CSMD3: variants seen among roughly 807,000 people sequenced by gnomAD.
The protein encoded by CSMD3 is CUB and sushi domain-containing protein 3.
CSMD3 carries 177 observed loss-of-function variants against 435.2 expected under a neutral mutation model. The observed-to-expected ratio is 0.41, with a 90% CI of 0.36 to 0.46. The LOEUF (loss-of-function observed/expected upper bound fraction) is 0.46, where lower values mean the gene tolerates loss of function less well. CSMD3 is among the 20% of genes least tolerant of loss of function. The pLI is 0.34. For synonymous variants in CSMD3, 1,656 were observed against 1,520.5 expected, an observed-to-expected ratio of 1.09 and a Z score of -2.07; for missense variants, 4,265 against 4,504.6, an observed-to-expected ratio of 0.95 and a Z score of 1.52.
intron 5 of CSMD3, among the ~76,000 whole-genome samples, chr8:113,034,086 A>G (rs2087238535): frequency 6.6e-6 from 1 of 151,570 alleles, no homozygotes; most frequent in Non-Finnish European, 1.5e-5. Flanking sequence ...CTGTGAGTCA[A>G]TTAACCTCTT....
intron 3 of CSMD3, among the ~76,000 whole-genome samples, chr8:113,272,530 C>T (rs544935946): frequency 3.3e-4 from 50 of 152,250 alleles, no homozygotes; most frequent in African/African-American, 1.1e-3. Flanking sequence ...GGGGTTTCTG[C>T]TTTTGCAATT....
intron 13 of CSMD3, among the ~76,000 whole-genome samples, chr8:112,753,732 T>A (rs1222673701): frequency 2.0e-5 from 3 of 152,230 alleles, no homozygotes; most frequent in Admixed American, 6.5e-5. Flanking sequence ...GAAATGCCTG[T>A]ACAAGTTCCA....
At chr8:112,350,182 C>T (rs180935592) in intron 40 of CSMD3, among the ~76,000 whole-genome samples, 3 of 151,886 alleles carry the variant, frequency 2.0e-5, no homozygotes, top group African/African-American at 7.2e-5. Context: ...GTTTAAACTA[C>T]CCAATCTGGA....
intron 4 of CSMD3, among the ~76,000 whole-genome samples, chr8:113,134,837 G>T (rs1483237129): frequency 6.6e-6 from 1 of 151,912 alleles, no homozygotes; most frequent in Non-Finnish European, 1.5e-5. Flanking sequence ...CAAGAGTAAG[G>T]TGGTGGCATC....
At chr8:113,040,831 G>A (rs2131285296) in intron 5 of CSMD3, among the ~76,000 whole-genome samples, 1 of 152,214 alleles carries the variant, frequency 6.6e-6, no homozygotes, top group Middle Eastern at 3.4e-3. Flanking sequence ...AAGACAGTGA[G>A]CATAAATAGA....
At chr8:113,097,008 T>G (rs1407958424) in intron 5 of CSMD3, among the ~76,000 whole-genome samples, 1 of 152,024 alleles carries the variant, frequency 6.6e-6, no homozygotes, top group Non-Finnish European at 1.5e-5. Context: ...TTGTTCTAGA[T>G]TCAGCTTTGG....
intron 32 of CSMD3, among the ~76,000 whole-genome samples, chr8:112,449,801 C>T (rs1306620668): frequency 6.6e-6 from 1 of 152,182 alleles, no homozygotes; most frequent in Non-Finnish European, 1.5e-5. Flanking sequence ...CGGCTCACTG[C>T]ATCCTCCGCC....
At chr8:113,271,024 A>T (rs1014398979) in intron 3 of CSMD3, among the ~76,000 whole-genome samples, 17 of 151,630 alleles carry the variant, frequency 1.1e-4, no homozygotes, top group African/African-American at 4.1e-4. Flanking sequence ...CCTGCCCTAG[A>T]GATGTGTGGA....
chr8:112,373,022 A>AT (rs58793930), intron 38 of CSMD3, among the ~76,000 whole-genome samples: 33 of 138,364 alleles, frequency 2.4e-4, no homozygotes, highest in African/African-American at 5.3e-4. Flanking sequence ...ATATATATAT[A>AT]TTTTTTTTCT....
intron 13 of CSMD3, among the ~76,000 whole-genome samples, chr8:112,779,505 T>G (rs1179692575): frequency 6.6e-6 from 1 of 152,004 alleles, no homozygotes; most frequent in African/African-American, 2.4e-5. Flanking sequence ...CCAAGGAGAA[T>G]GAATAATTCA....
chr8:113,123,570 C>T (rs566273403), intron 4 of CSMD3, among the ~76,000 whole-genome samples: 11 of 152,070 alleles, frequency 7.2e-5, no homozygotes, highest in East Asian at 5.8e-4. Context: ...AATAAATTTC[C>T]TCAGTTTTAG....
chr8:112,558,452 G>A (rs902628816), intron 24 of CSMD3, among the ~76,000 whole-genome samples: 3 of 151,698 alleles, frequency 2.0e-5, no homozygotes, highest in East Asian at 1.9e-4. Flanking sequence ...ACATTTCTAC[G>A]TAGCTGACCA....
chr8:112,279,200 GT>G (rs1259192509), intron 59 of CSMD3, among the ~76,000 whole-genome samples: 1 of 152,154 alleles, frequency 6.6e-6, no homozygotes, highest in Non-Finnish European at 1.5e-5. Flanking sequence ...CACAATATGG[GT>G]TTTAAATGAA....
intron 13 of CSMD3, among the ~76,000 whole-genome samples, chr8:112,764,227 G>C (rs2077918644): frequency 6.6e-6 from 1 of 151,420 alleles, no homozygotes; most frequent in Admixed American, 6.6e-5. Flanking sequence ...AGATGTAAAG[G>C]TTTTATTCAA....
intron 13 of CSMD3, among the ~76,000 whole-genome samples, chr8:112,754,598 G>A (rs1563928327): frequency 1.3e-5 from 2 of 152,184 alleles, no homozygotes; most frequent in Non-Finnish European, 1.5e-5. Context: ...GAAAAGAGCA[G>A]GAAACGTGAT....
intron 20 of CSMD3, among the ~76,000 whole-genome samples, chr8:112,640,645 A>AG (rs1265022576): frequency 1.3e-5 from 2 of 151,368 alleles, no homozygotes; most frequent in African/African-American, 2.4e-5. Context: ...GCCCTTTTAG[A>AG]GGGGGTCTAA....
chr8:112,506,324 G>A (rs1236896816), intron 29 of CSMD3, among the ~76,000 whole-genome samples: 5 of 152,118 alleles, frequency 3.3e-5, no homozygotes. Flanking sequence ...AAGGAATTGT[G>A]CTACTAGAGT....
chr8:112,872,895 G>T (rs555897704), intron 10 of CSMD3, among the ~76,000 whole-genome samples: 1 of 152,100 alleles, frequency 6.6e-6, no homozygotes, highest in African/African-American at 2.4e-5. Context: ...AGGAGGGAAG[G>T]AGTGTGGAAG....
intron 1 of CSMD3, among the ~76,000 whole-genome samples, chr8:113,433,355 G>A (rs945417568): frequency 6.6e-6 from 1 of 152,154 alleles, no homozygotes; most frequent in Non-Finnish European, 1.5e-5. Flanking sequence ...GACACACGCG[G>A]GGCTGAAAGC....
Sources: allele counts gnomAD v4.1 joint callset (sites outside exome capture counted in the v4.1 genomes callset), GRCh38; gene constraint gnomAD v4.1.1; transcripts MANE v1.5; gene names NCBI Gene and HGNC (gene_info 2026-07-23, HGNC 2026-07-21).